AMBRA1: variants seen among roughly 807,000 people sequenced by gnomAD.
The protein encoded by AMBRA1 is activating molecule in BECN1-regulated autophagy protein 1.
A neutral mutation model predicts 125.4 loss-of-function variants in AMBRA1; 47 were observed. The ratio of observed to expected loss-of-function variants is 0.37; its 90% CI spans 0.30 to 0.48. The LOEUF is 0.48. Ranked by LOEUF, AMBRA1 falls within the 20% of genes least tolerant of loss-of-function variation. AMBRA1 has a pLI of 0.99. For missense variants in AMBRA1, 1,331 were observed against 1,693.4 expected (o/e 0.79, Z 3.76); for synonymous variants, 626 against 655.5 (o/e 0.95, Z 0.69).
intron 11 of AMBRA1, among the ~76,000 whole-genome samples, chr11:46,452,518 A>G (rs1948661022): frequency 6.6e-6 from 1 of 152,120 alleles, no homozygotes; most frequent in Non-Finnish European, 1.5e-5. Flanking sequence ...GGATTATCTG[A>G]GCTCTCTGTA....
intron 12 of AMBRA1, among the ~76,000 whole-genome samples, chr11:46,438,252 G>GA (rs1262881039): frequency 6.6e-6 from 1 of 152,176 alleles, no homozygotes; most frequent in African/African-American, 2.4e-5. Context: ...TCCGGAGGGA[G>GA]AAAAAACAAT....
chr11:46,578,213 G>A lies in AMBRA1; in HGVS notation c.-121+15615C>T, dbSNP rs568973359. ...TATAAAATTCCAGGTAGGGCCGGAC[G>A]TGGTGGCTCACACCTGTAATCCCAG... On this transcript the variant is annotated intron_variant, in intron 1 of 17. Transcript: ENST00000683756. Among the ~76,000 whole-genome samples the A allele has an allele frequency of 5.2e-4, 79 of 152,206 alleles. No individual in the cohort carries two copies. The South Asian group carries it at 0.016, about 30-fold the overall frequency.
intron 1 of AMBRA1, among the ~76,000 whole-genome samples, chr11:46,583,198 A>G (rs991007614): frequency 9.2e-5 from 14 of 152,014 alleles, no homozygotes; most frequent in Non-Finnish European, 1.8e-4. Flanking sequence ...ATAATGCCGC[A>G]TATCTACAAC....
intron 1 of AMBRA1, among the ~76,000 whole-genome samples, chr11:46,550,187 A>ATT (rs2042949435): frequency 6.6e-6 from 1 of 152,172 alleles, no homozygotes; most frequent in African/African-American, 2.4e-5. Flanking sequence ...GACTCAACTG[A>ATT]TTGTTTCCTC....
At chr11:46,500,102 C>T (rs1037903504) in intron 9 of AMBRA1, among the ~76,000 whole-genome samples, 1 of 152,158 alleles carries the variant, frequency 6.6e-6, no homozygotes, top group African/African-American at 2.4e-5. Context: ...GATAATAAAT[C>T]ACAGCCTCAG....
At chr11:46,496,172 G>A (rs888597950) in intron 9 of AMBRA1, among the ~76,000 whole-genome samples, 4 of 151,896 alleles carry the variant, frequency 2.6e-5, no homozygotes, top group Admixed American at 1.3e-4. Context: ...TCAGGAGTTC[G>A]AGACCAGCCT....
chr11:46,447,526 T>C (rs1051729402), intron 11 of AMBRA1, among the ~76,000 whole-genome samples: 5 of 151,864 alleles, frequency 3.3e-5, no homozygotes, highest in Admixed American at 2.6e-4. Flanking sequence ...CAGAGCAAGA[T>C]TCTGTCTCAA....
intron 11 of AMBRA1, among the ~76,000 whole-genome samples, chr11:46,458,881 G>C (rs1948968474): frequency 6.6e-6 from 1 of 152,202 alleles, no homozygotes; most frequent in Non-Finnish European, 1.5e-5. Context: ...TGAGATAACA[G>C]GTCCTAGACG....
chr11:46,453,524 G>GA (rs1948716656), intron 11 of AMBRA1, among the ~76,000 whole-genome samples: 1 of 152,090 alleles, frequency 6.6e-6, no homozygotes, highest in Non-Finnish European at 1.5e-5. Context: ...TTATTTTATA[G>GA]AAAATATACT....
Position 46,475,764 on chromosome 11 carries a change from G to A in AMBRA1, c.2521+17844C>T, listed in dbSNP as rs148377522. ...ACTTTGCTCTGGATACGAGAATCCC[G>A]TAATTTCTTGTCGCATACTTCTTTT... On this transcript the variant is annotated intron_variant, in intron 11 of 17. Coordinates refer to ENST00000683756, the MANE Select transcript of AMBRA1 (RefSeq NM_001387011.1). 2.2e-3 allele frequency among the ~76,000 whole-genome samples: 330 copies of A among 152,316 alleles called. 3 individuals carry two copies. Among genetic ancestry groups the A allele is most frequent in the Non-Finnish European group, 2.5e-3 (170 of 68,026 alleles).
At chr11:46,585,723 T>TATATATATATATATA (rs1442252869) in intron 1 of AMBRA1, among the ~76,000 whole-genome samples, 31 of 99,720 alleles carry the variant, frequency 3.1e-4, no homozygotes, top group South Asian at 6.1e-4. Flanking sequence ...TATATATATA[T>TATATATATATATATA]TCCTAGCTTC....
rs1300678003 is a variant in AMBRA1, at chr11:46,542,744, T to C, written c.1273A>G (p.Ser425Gly). Reference protein sequence around the residue: ...TGSEWTRTVLSLNSRSEAESM... With the variant: ...TGSEWTRTVLGLNSRSEAESM... ...TCCGCCTCAGAGCGGGAGTTCAGAC[T>C]GAGTACTGTCCGGGTCCACTCAGAT... is the stretch of plus-strand genomic sequence containing the variant. Residue 425 changes from serine to glycine, a missense_variant, in exon 7 of 18, where the codon AGT becomes GGT. Coordinates refer to ENST00000683756, the MANE Select transcript of AMBRA1 (RefSeq NM_001387011.1). This position sits in a 1 kb window ranked among gnomAD's most constrained non-coding sequence, Gnocchi z 5.9. 6.2e-7 allele frequency: 1 copy of C among 1,613,770 alleles called. No homozygotes were observed. Among genetic ancestry groups the C allele is most frequent in the Non-Finnish European group, 8.5e-7 (1 of 1,179,962 alleles).
chr11:46,417,901 T>G lies in AMBRA1; in HGVS notation c.3116+12A>C. On this transcript the variant is annotated intron_variant, in intron 15 of 17. Coordinates refer to ENST00000683756, the MANE Select transcript of AMBRA1 (RefSeq NM_001387011.1). ...CAGTGATCCCTCAACCCCCACACTT[T>G]AAGCCACTTACTCTGGTCGGCAGAT... The G allele has an allele frequency of 1.3e-6, 2 of 1,599,944 alleles. No individual in the cohort carries two copies. Among genetic ancestry groups the G allele is most frequent in the East Asian group, 2.2e-5 (1 of 44,476 alleles).
intron 2 of AMBRA1, among the ~76,000 whole-genome samples, 182 bp from the exon 3 acceptor site, chr11:46,548,057 A>C (rs1201820666): frequency 6.6e-6 from 1 of 152,204 alleles, no homozygotes; most frequent in Non-Finnish European, 1.5e-5. Context: ...AAAACTGTCT[A>C]GCTCTAAAGG....
At chr11:46,452,331 G>T (rs921954041) in intron 11 of AMBRA1, among the ~76,000 whole-genome samples, 1 of 151,984 alleles carries the variant, frequency 6.6e-6, no homozygotes, top group Non-Finnish European at 1.5e-5. Context: ...GTTATTTTAA[G>T]GTTTTTTGTT....
intron 11 of AMBRA1, among the ~76,000 whole-genome samples, chr11:46,466,225 T>C (rs1385182999): frequency 6.6e-6 from 1 of 152,082 alleles, no homozygotes; most frequent in African/African-American, 2.4e-5. Flanking sequence ...CACACGCCTG[T>C]AGTCCCAGCT....
intron 11 of AMBRA1, among the ~76,000 whole-genome samples, chr11:46,474,258 A>C (rs927212567): frequency 1.3e-5 from 2 of 152,166 alleles, no homozygotes; most frequent in African/African-American, 4.8e-5. Flanking sequence ...AAGTTAGTAA[A>C]TATTAGAACC....
chr11:46,519,345 A>G (rs1485877283), intron 7 of AMBRA1, among the ~76,000 whole-genome samples: 1 of 152,172 alleles, frequency 6.6e-6, no homozygotes, highest in Non-Finnish European at 1.5e-5. Flanking sequence ...AATTCAATAG[A>G]TATCAGAGTT....
intron 14 of AMBRA1, among the ~76,000 whole-genome samples, chr11:46,432,505 T>C (rs1045210315): frequency 2.0e-5 from 3 of 152,320 alleles, no homozygotes; most frequent in Admixed American, 1.3e-4. Context: ...TATCACTTTG[T>C]ATATAATGGG....
Sources: allele counts gnomAD v4.1 joint callset (sites outside exome capture counted in the v4.1 genomes callset), GRCh38; gene constraint gnomAD v4.1.1; non-coding constraint Gnocchi (gnomAD v3.1); transcripts MANE v1.5; gene names NCBI Gene and HGNC (gene_info 2026-07-23, HGNC 2026-07-21).